The following SLC16A10 variants were observed in gnomAD, a reference collection of about 807,000 sequenced individuals.
SLC16A10 encodes monocarboxylate transporter 10.
Under a neutral mutation model 40.0 loss-of-function variants are expected in SLC16A10, and 27 were observed. That is an observed-to-expected ratio of 0.67 (90% CI 0.50 to 0.93). The LOEUF (loss-of-function observed/expected upper bound fraction) is 0.93, where lower values mean the gene tolerates loss of function less well. Ranked by LOEUF, SLC16A10 falls within the 40% of genes least tolerant of loss-of-function variation. The probability of loss-of-function intolerance (pLI) is 0.00; values close to 1 mark genes in which losing one functional copy is unlikely to be tolerated. For synonymous variants in SLC16A10, 213 were observed against 249.8 expected, an observed-to-expected ratio of 0.85 and a Z score of 1.39; for missense variants, 529 against 658.2, an observed-to-expected ratio of 0.80 and a Z score of 2.15.
In SLC16A10 at chr6:111,230,796, T is replaced by A. The variant is rs1009967022; in HGVS notation, c.*8561T>A. 1 of 152,208 alleles carries A rather than the reference T, an allele frequency of 6.6e-6. No individual in the cohort carries two copies. Among genetic ancestry groups the A allele is most frequent in the Non-Finnish European group, 1.5e-5 (1 of 68,040 alleles). 9.4% of individuals were successfully genotyped at this position (152,208 alleles called of 1,614,324 possible). A position where few individuals can be genotyped will look rare whatever the true frequency, so the allele number is the denominator to read the frequency against. Reference sequence around the variant, plus strand: ...AATGTTTATTTGAAAATTAATTTTTTAATTATTTTGTATATTTTGAGTTAG... The same window carrying A: ...AATGTTTATTTGAAAATTAATTTTTAAATTATTTTGTATATTTTGAGTTAG... On this transcript the variant is annotated 3_prime_UTR_variant, in exon 6 of 6. Coordinates refer to ENST00000368851, the MANE Select transcript of SLC16A10 (RefSeq NM_018593.5).
At chr6:111,187,167 A>G (rs972184194) in intron 3 of SLC16A10, among the ~76,000 whole-genome samples, 5 of 152,156 alleles carry the variant, frequency 3.3e-5, no homozygotes, top group African/African-American at 1.2e-4. Context: ...TTGATTTAAC[A>G]TTTTAGTTAA....
At chr6:111,117,743 A>T (rs1771513976) in intron 1 of SLC16A10, among the ~76,000 whole-genome samples, 1 of 152,160 alleles carries the variant, frequency 6.6e-6, no homozygotes, top group Non-Finnish European at 1.5e-5. Context: ...GCTGGTGATG[A>T]ATGGGGAGAG....
intron 4 of SLC16A10, among the ~76,000 whole-genome samples, chr6:111,210,708 C>T (rs554828615): frequency 1.5e-4 from 23 of 152,200 alleles, no homozygotes; most frequent in African/African-American, 5.3e-4. Context: ...TAGACAGAGC[C>T]TTGAAAGCCA....
chr6:111,130,543 G>T (rs1278492945), intron 1 of SLC16A10, among the ~76,000 whole-genome samples: 1 of 152,168 alleles, frequency 6.6e-6, no homozygotes, highest in East Asian at 1.9e-4. Context: ...TGTTATGTGT[G>T]TGTGGAGCTT....
intron 1 of SLC16A10, among the ~76,000 whole-genome samples, chr6:111,105,952 CT>C (rs1256586172): frequency 3.3e-5 from 5 of 152,200 alleles, no homozygotes; most frequent in African/African-American, 1.2e-4. Flanking sequence ...CACCTTTACC[CT>C]TCCAGTAATT....
chr6:111,219,596 G>A (rs1770850339), intron 5 of SLC16A10, among the ~76,000 whole-genome samples: 1 of 151,238 alleles, frequency 6.6e-6, no homozygotes, highest in African/African-American at 2.4e-5. Flanking sequence ...ACATCCCCCT[G>A]AGGAGTAGTT....
intron 1 of SLC16A10, among the ~76,000 whole-genome samples, chr6:111,125,889 A>T (rs1177052020): frequency 6.6e-6 from 1 of 152,152 alleles, no homozygotes; most frequent in Non-Finnish European, 1.5e-5. Context: ...TTTCTGGAAA[A>T]CCTAGGACAC....
chr6:111,102,968 C>T (rs983076507), intron 1 of SLC16A10, among the ~76,000 whole-genome samples: 13 of 152,098 alleles, frequency 8.5e-5, no homozygotes, highest in East Asian at 1.9e-4. Context: ...TACGGTTGCA[C>T]GCTCATGGCT....
chr6:111,112,419 G>T (rs1334365878), intron 1 of SLC16A10, among the ~76,000 whole-genome samples: 4 of 123,420 alleles, frequency 3.2e-5, no homozygotes, highest in African/African-American at 1.0e-4. Context: ...TAACTATTTG[G>T]TTGTAATTAT....
chr6:111,180,679 C>T (rs1772773860), intron 3 of SLC16A10, among the ~76,000 whole-genome samples: 1 of 152,040 alleles, frequency 6.6e-6, no homozygotes, highest in Non-Finnish European at 1.5e-5. Context: ...TGGTGGTACA[C>T]ATCTGTAGTC....
chr6:111,209,582 A>G, intron 4 of SLC16A10, among the ~76,000 whole-genome samples: 1 of 152,118 alleles, frequency 6.6e-6, no homozygotes, highest in Middle Eastern at 3.2e-3. Context: ...AGCTCATGGA[A>G]GAGTCTGGAT....
intron 1 of SLC16A10, among the ~76,000 whole-genome samples, chr6:111,146,788 T>C (rs1772087540): frequency 6.6e-6 from 1 of 151,818 alleles, no homozygotes; most frequent in South Asian, 2.1e-4. Context: ...ATGTTCATAG[T>C]AGTATTCCAA....
At chr6:111,205,780 T>C (rs1205344711) in intron 3 of SLC16A10, among the ~76,000 whole-genome samples, 1 of 152,238 alleles carries the variant, frequency 6.6e-6, no homozygotes, top group Non-Finnish European at 1.5e-5. Context: ...TTTAATCTGT[T>C]CTAATGCTAC....
chr6:111,221,865 G>T (rs1388892587), intron 5 of SLC16A10, 138 bp from the exon 6 acceptor site: 1 of 669,102 alleles, frequency 1.5e-6, no homozygotes, highest in Admixed American at 4.0e-5. Flanking sequence ...TATCAAAAAG[G>T]GTTTATATTT....
chr6:111,202,435 G>A lies in SLC16A10; in HGVS notation c.943-4157G>A, dbSNP rs114060027. Among the ~76,000 whole-genome samples the A allele has an allele frequency of 3.5e-3, 535 of 152,198 alleles. 4 individuals carry two copies. The highest frequency in any genetic ancestry group is 0.012 in the African/African-American group (496 of 41,518). On this transcript the variant is annotated intron_variant, in intron 3 of 5. Transcript: ENST00000368851. ...CGAGGCTGCAGTGAGCTGTGATTGC[G>A]CCAGTGCACTCAAGCCTGGGCAACA...
intron 4 of SLC16A10, among the ~76,000 whole-genome samples, chr6:111,208,358 G>A (rs945033920): frequency 6.6e-6 from 1 of 152,152 alleles, no homozygotes; most frequent in African/African-American, 2.4e-5. Context: ...GGCTGAGGCA[G>A]GTAGATCACC....
intron 3 of SLC16A10, among the ~76,000 whole-genome samples, chr6:111,188,095 CT>C (rs1772929841): frequency 6.6e-6 from 1 of 152,132 alleles, no homozygotes; most frequent in South Asian, 2.1e-4. Context: ...GTGCTGGAAA[CT>C]TTTTTATTTA....
chr6:111,201,308 A>G (rs564948617), intron 3 of SLC16A10, among the ~76,000 whole-genome samples: 4 of 152,292 alleles, frequency 2.6e-5, no homozygotes, highest in African/African-American at 9.6e-5. Context: ...GGGTGGGGGT[A>G]GAGGGGTTGT....
chr6:111,176,441 A>T (rs1772685692), intron 2 of SLC16A10, among the ~76,000 whole-genome samples: 1 of 152,242 alleles, frequency 6.6e-6, no homozygotes, highest in African/African-American at 2.4e-5. Context: ...TTCCTAAGAA[A>T]TGTGCAATTA....
Sources: gnomAD v4.1 joint callset for allele counts (sites outside exome capture counted in the v4.1 genomes callset) on GRCh38, gnomAD v4.1.1 for gene constraint, MANE v1.5 for transcripts, NCBI Gene and HGNC (gene_info 2026-07-23, HGNC 2026-07-21) for gene names.